BST1: variants seen among roughly 807,000 people sequenced by gnomAD.
BST1 encodes the protein ADP-ribosyl cyclase/cyclic ADP-ribose hydrolase 2.
Under a neutral mutation model 40.6 loss-of-function variants are expected in BST1, and 49 were observed. That is an observed-to-expected ratio of 1.21 (90% CI 0.96 to 1.53). The LOEUF (loss-of-function observed/expected upper bound fraction) is 1.53, where lower values mean the gene tolerates loss of function less well. Among genes scored for constraint, BST1 ranks in the 40% most tolerant of loss-of-function variants. The pLI is 0.00. For synonymous variants in BST1, 157 were observed against 159.3 expected, an observed-to-expected ratio of 0.99 and a Z score of 0.11; for missense variants, 423 against 395.9, an observed-to-expected ratio of 1.07 and a Z score of -0.58.
downstream of BST1, among the ~76,000 whole-genome samples, chr4:15,733,727 G>A (rs1012635386): frequency 1.3e-5 from 2 of 152,172 alleles, no homozygotes; most frequent in African/African-American, 4.8e-5. Context: ...GATCTCGTGA[G>A]AACTCTGTCA....
the BST1 span, among the ~76,000 whole-genome samples, chr4:15,749,935 CTT>C: frequency 2.5e-4 from 35 of 137,682 alleles, no homozygotes; most frequent in Admixed American, 3.6e-4. Context: ...TCATTCTTTT[CTT>C]TTTTTTTTTT....
At chr4:15,731,643 G>T (rs4498133) in intron 8 of BST1, 97 bp from the exon 9 acceptor site, 2 of 1,460,492 alleles carry the variant, frequency 1.4e-6, no homozygotes, top group Non-Finnish European at 1.9e-6. Context: ...CTCGCTCCGC[G>T]CTAACCAGAA....
chr4:15,703,431 C>G (rs1719659681), intron 1 of BST1, 99 bp downstream of exon 1: 1 of 1,423,672 alleles, frequency 7.0e-7, no homozygotes, highest in East Asian at 2.8e-5. Context: ...GGTGAGGGGG[C>G]AATGAGAGAG....
the BST1 span, among the ~76,000 whole-genome samples, chr4:15,753,993 ACCTT>A: frequency 2.0e-5 from 3 of 152,150 alleles, no homozygotes; most frequent in Non-Finnish European, 4.4e-5. Flanking sequence ...GACCTCAGTC[ACCTT>A]CCTTCCTTTG....
intron 8 of BST1, among the ~76,000 whole-genome samples, chr4:15,724,083 G>A (rs992256595): frequency 2.0e-5 from 3 of 152,238 alleles, no homozygotes; most frequent in East Asian, 3.9e-4. Flanking sequence ...CATTCTCCAC[G>A]TTGATTGAGG....
intron 2 of BST1, among the ~76,000 whole-genome samples, chr4:15,706,250 AAGTT>A (rs1358018371): frequency 3.3e-5 from 5 of 152,200 alleles, no homozygotes; most frequent in African/African-American, 1.2e-4. Context: ...CTAAGTTAGC[AAGTT>A]AGTGTGAGAA....
chr4:15,731,814 T>C lies in BST1; in HGVS notation c.926T>C (p.Phe309Ser). 1 of 1,613,738 alleles carries C rather than the reference T, an allele frequency of 6.2e-7. No homozygotes were observed. The highest frequency in any genetic ancestry group is 8.5e-7 in the Non-Finnish European group (1 of 1,179,874). Reference protein sequence around the residue: ...EQRAGLIIPLFLVLASRTQL With the variant: ...EQRAGLIIPLSLVLASRTQL The stretch of plus-strand genomic sequence containing the variant: ...AGGGCGGGTCTTATCATTCCCCTCT[T>C]TCTGGTGCTGGCTTCCAGGACTCAA... Residue 309 changes from phenylalanine (F) to serine (S), a missense_variant, in exon 9 of 9, where the codon TTT (phenylalanine) becomes TCT (serine). Coordinates refer to ENST00000265016, the MANE Select transcript of BST1 (RefSeq NM_004334.3).
the BST1 span, among the ~76,000 whole-genome samples, chr4:15,759,189 A>T: frequency 6.6e-6 from 1 of 152,002 alleles, no homozygotes; most frequent in Non-Finnish European, 1.5e-5. Context: ...AGGACTAAGG[A>T]AAGAGCCAAG....
chr4:15,722,592 A>ATTTTTTT (rs1012036868), intron 7 of BST1, among the ~76,000 whole-genome samples: 1 of 120,306 alleles, frequency 8.3e-6, no homozygotes, highest in African/African-American at 3.3e-5. Flanking sequence ...TAATTTTTAG[A>ATTTTTTT]TTTTTTTTTT....
intron 7 of BST1, 92 bp from the exon 8 acceptor site, chr4:15,722,783 A>T: frequency 9.6e-7 from 1 of 1,037,916 alleles, no homozygotes; most frequent in Non-Finnish European, 1.5e-6. Flanking sequence ...GTCAGAGACT[A>T]CTGTATCTCC....
At chr4:15,713,363 T>A (rs1577575398) in intron 4 of BST1, among the ~76,000 whole-genome samples, 1 of 151,910 alleles carries the variant, frequency 6.6e-6, no homozygotes, top group East Asian at 1.9e-4. Context: ...TTTTTGTATT[T>A]TCAGTAGAGA....
chr4:15,748,786 G>A, the BST1 span, among the ~76,000 whole-genome samples: 1 of 152,280 alleles, frequency 6.6e-6, no homozygotes, highest in South Asian at 2.1e-4. Flanking sequence ...GCACATGATG[G>A]TAGTGGAAAG....
the BST1 span, among the ~76,000 whole-genome samples, chr4:15,759,408 T>TTGATAACAC: frequency 1.3e-5 from 2 of 151,966 alleles, no homozygotes; most frequent in Non-Finnish European, 2.9e-5. Flanking sequence ...TTATGCAGAT[T>TTGATAACAC]TGATAACACT....
chr4:15,742,053 C>G (rs1194349025), downstream of BST1, among the ~76,000 whole-genome samples: 1 of 152,184 alleles, frequency 6.6e-6, no homozygotes, highest in African/African-American at 2.4e-5. Flanking sequence ...AAAGCTGTGA[C>G]AAGCCCAGAA....
chr4:15,719,852 A>C (rs558543885), intron 7 of BST1, among the ~76,000 whole-genome samples: 10 of 152,276 alleles, frequency 6.6e-5, no homozygotes, highest in African/African-American at 2.4e-4. Context: ...ATGCCTCCTC[A>C]AGACAAGGAG....
At chr4:15,760,682 A>ATATTTATT in the BST1 span, among the ~76,000 whole-genome samples, 1 of 150,520 alleles carries the variant, frequency 6.6e-6, no homozygotes, top group Non-Finnish European at 1.5e-5. Flanking sequence ...TATATACTAT[A>ATATTTATT]TATTTATTTA....
At chr4:15,731,714 T>C in intron 8 of BST1, 26 bp from the exon 9 acceptor site, 1 of 1,598,802 alleles carries the variant, frequency 6.3e-7, no homozygotes, top group Non-Finnish European at 8.5e-7. Flanking sequence ...TACTGACACT[T>C]TCTCTATTTC....
At chr4:15,726,805 G>T (rs1005045160) in intron 8 of BST1, among the ~76,000 whole-genome samples, 34 of 151,852 alleles carry the variant, frequency 2.2e-4, no homozygotes, top group African/African-American at 8.2e-4. Flanking sequence ...AGTGCCTTGG[G>T]TTAGCTCCCC....
chr4:15,772,662 G>A, the BST1 span, among the ~76,000 whole-genome samples: 5 of 152,220 alleles, frequency 3.3e-5, no homozygotes, highest in African/African-American at 7.2e-5. Context: ...GTTATTCAGC[G>A]AGAAGAGTGT....
Sources: gnomAD v4.1 joint callset for allele counts (sites outside exome capture counted in the v4.1 genomes callset) on GRCh38, gnomAD v4.1.1 for gene constraint, MANE v1.5 for transcripts, NCBI Gene and HGNC (gene_info 2026-07-23, HGNC 2026-07-21) for gene names.